PTDSS1: variants seen among roughly 807,000 people sequenced by gnomAD.
The protein encoded by PTDSS1 is phosphatidylserine synthase 1, also known as PSS-1.
A neutral mutation model predicts 70.5 loss-of-function variants in PTDSS1; 45 were observed. That is an observed-to-expected ratio of 0.64 (90% CI 0.50 to 0.82). The LOEUF (loss-of-function observed/expected upper bound fraction) is 0.82. PTDSS1 is among the 40% of genes least tolerant of loss of function. The pLI is 0.00. For synonymous variants in PTDSS1, 188 were observed against 203.8 expected (o/e 0.92, Z 0.66); for missense variants, 417 against 586.1 (o/e 0.71, Z 2.98).
intron 6 of PTDSS1, among the ~76,000 whole-genome samples, chr8:96,300,770 C>G: frequency 6.6e-6 from 1 of 152,140 alleles, no homozygotes; most frequent in East Asian, 1.9e-4. Context: ...AGTATTTAAC[C>G]AGTTCCATTT....
In PTDSS1 at chr8:96,287,063, TTCC is replaced by T. The variant is rs1332615602; in HGVS notation, c.360_362del (p.Phe120del). ...CTTCCTGTTCCTGGTATTCCTACTC[TTCC>T]TGAATTTCGAGCAGGTTAAATCTCT... On this transcript the variant is annotated inframe_deletion, in exon 4 of 13. Transcript: ENST00000517309. 1 of 1,614,014 alleles carries T rather than the reference TTCC, an allele frequency of 6.2e-7. No individual in the cohort carries two copies. Among genetic ancestry groups the T allele is most frequent in the Non-Finnish European group, 8.5e-7 (1 of 1,179,844 alleles).
At chr8:96,296,569 A>G (rs1263129218) in intron 5 of PTDSS1, among the ~76,000 whole-genome samples, 4 of 152,222 alleles carry the variant, frequency 2.6e-5, no homozygotes, top group African/African-American at 9.7e-5. Flanking sequence ...CTATCTCCAA[A>G]TAAGCTCAAA....
intron 5 of PTDSS1, among the ~76,000 whole-genome samples, chr8:96,296,132 CTTTTTTTTTTTTTTT>C (rs34559310): frequency 1.8e-5 from 1 of 54,270 alleles, no homozygotes; most frequent in Admixed American, 2.5e-4. Context: ...TCATGGTGTT[CTTTTTTTTTTTTTTT>C]TTTTTTTTTT....
chr8:96,286,884 GATT>G, intron 3 of PTDSS1, 135 bp from the exon 4 acceptor site: 1 of 1,111,514 alleles, frequency 9.0e-7, no homozygotes, highest in East Asian at 2.4e-5. Flanking sequence ...GGAAATCCCA[GATT>G]ATAAGAGGAG....
rs755007403 is a variant in PTDSS1 at position 96,299,843 on chromosome 8, C to T, written c.750C>T (p.Phe250=). 1 of 1,604,988 alleles carries T rather than the reference C, an allele frequency of 6.2e-7. No homozygotes were observed. The highest frequency in any genetic ancestry group is 1.1e-5 in the South Asian group (1 of 88,466). Residue 250 remains phenylalanine, a splice_region_variant and synonymous_variant, in exon 6 of 13, where the codon TTC becomes TTT. Transcript: ENST00000517309. The part of the protein sequence containing the change: ...LEMRTYHWAS[F]KDIHTTTGKI... ...TGAGGACTTACCACTGGGCAAGCTT[C>T]AAGTGAGTTGCCTTCTTTTTGGATA... is the stretch of plus-strand genomic sequence containing the variant.
chr8:96,296,679 A>C (rs557965376), intron 5 of PTDSS1, among the ~76,000 whole-genome samples: 1 of 152,332 alleles, frequency 6.6e-6, no homozygotes, highest in South Asian at 2.1e-4. Context: ...ATGCCTTCTA[A>C]GTCCTCACAA....
chr8:96,268,772 G>A (rs1563559241), intron 1 of PTDSS1, among the ~76,000 whole-genome samples: 1 of 152,024 alleles, frequency 6.6e-6, no homozygotes, highest in African/African-American at 2.4e-5. Flanking sequence ...ACTTGATTGG[G>A]ATTTTAGATA....
Position 96,262,065 on chromosome 8 carries a change from A to G in PTDSS1, c.25A>G (p.Thr9Ala), listed in dbSNP as rs772997528. The G allele has an allele frequency of 6.2e-7, 1 of 1,613,362 alleles. No homozygotes were observed. Among genetic ancestry groups the G allele is most frequent in the Non-Finnish European group, 8.5e-7 (1 of 1,179,586 alleles). ...CATGGCGTCCTGCGTGGGGAGCCGG[A>G]CCCTAAGCAAGGATGATGTGAACTA... Reference protein sequence around the residue: MASCVGSRTLSKDDVNYKM... With the variant: MASCVGSRALSKDDVNYKM... The change falls in exon 1 of 13, where the codon ACC becomes GCC. Residue 9 changes from threonine (T) to alanine (A), a missense_variant. Transcript: ENST00000517309. This position sits in a 1 kb window ranked among gnomAD's most constrained non-coding sequence, Gnocchi z 4.4.
At chr8:96,306,418 T>G in intron 7 of PTDSS1, 26 bp from the exon 8 acceptor site, 1 of 1,528,588 alleles carries the variant, frequency 6.5e-7, no homozygotes, top group Non-Finnish European at 9.1e-7. Flanking sequence ...AGGTACCAGG[T>G]TGACTAATTT....
intron 1 of PTDSS1, among the ~76,000 whole-genome samples, chr8:96,268,555 C>T (rs994607363): frequency 6.6e-6 from 1 of 152,008 alleles, no homozygotes; most frequent in Non-Finnish European, 1.5e-5. Context: ...GTTACCACCC[C>T]TCTGGTCAAA....
chr8:96,327,851 T>C (rs1469994130), intron 10 of PTDSS1, among the ~76,000 whole-genome samples: 1 of 152,182 alleles, frequency 6.6e-6, no homozygotes. Flanking sequence ...CCGCCCTTTC[T>C]TTAAACGAAG....
rs1434817184 is a variant in PTDSS1 at position 96,332,007 on chromosome 8, C to A, written c.1312+912C>A. ...CTCCCATGTGGAAGACAGAACAAGT[C>A]CCTGCCTCTTAAAAAAAAAAAAAAA... is the stretch of plus-strand genomic sequence containing the variant. On this transcript the variant is annotated intron_variant, in intron 12 of 12. Transcript: ENST00000517309. Among the ~76,000 whole-genome samples, 5 of 98,982 alleles carry A rather than the reference C, an allele frequency of 5.1e-5. No individual in the cohort carries two copies. The East Asian group carries it at 1.4e-3, about 28-fold the overall frequency. The allele number at this position is 98,982 out of a possible 152,430, so 64.9% of individuals were successfully genotyped here. A position where few individuals can be genotyped will look rare whatever the true frequency, so the allele number is the denominator to read the frequency against.
intron 2 of PTDSS1, among the ~76,000 whole-genome samples, chr8:96,282,221 G>A (rs1227519969): frequency 6.6e-6 from 1 of 152,176 alleles, no homozygotes; most frequent in Admixed American, 6.5e-5. Flanking sequence ...CAAGTCAAGA[G>A]CTATCGCCTA....
At chr8:96,287,828 C>T (rs1188740663) in intron 4 of PTDSS1, among the ~76,000 whole-genome samples, 1 of 152,086 alleles carries the variant, frequency 6.6e-6, no homozygotes, top group Non-Finnish European at 1.5e-5. Context: ...TGGGAAAAAC[C>T]AACTATTTTT....
intron 7 of PTDSS1, among the ~76,000 whole-genome samples, chr8:96,304,598 C>A (rs1811097862): frequency 6.6e-6 from 1 of 152,302 alleles, no homozygotes; most frequent in African/African-American, 2.4e-5. Context: ...TTTGGTTAAT[C>A]TGTAGGGTGC....
intron 9 of PTDSS1, among the ~76,000 whole-genome samples, chr8:96,319,503 A>AAC (rs1246610265): frequency 6.6e-6 from 1 of 151,840 alleles, no homozygotes; most frequent in African/African-American, 2.4e-5. Context: ...CTTAAAAAAA[A>AAC]ACAAAAAATT....
At chr8:96,313,847 A>T (rs370906274) in intron 9 of PTDSS1, among the ~76,000 whole-genome samples, 37 of 152,128 alleles carry the variant, frequency 2.4e-4, no homozygotes, top group Non-Finnish European at 3.7e-4. Flanking sequence ...CTCTTCTTGG[A>T]TCTTCTGCAC....
intron 11 of PTDSS1, chr8:96,330,752 A>AT (rs1265747641): frequency 1.1e-5 from 5 of 455,642 alleles, no homozygotes; most frequent in Admixed American, 7.9e-5. Flanking sequence ...AGACGGTAAT[A>AT]TTTTTTTCGG....
At chr8:96,292,860 A>G (rs1014327666) in intron 4 of PTDSS1, among the ~76,000 whole-genome samples, 1 of 152,342 alleles carries the variant, frequency 6.6e-6, no homozygotes, top group African/African-American at 2.4e-5. Flanking sequence ...AAATTGCTGC[A>G]TGGCTGGGGG....
Sources: allele counts gnomAD v4.1 joint callset (sites outside exome capture counted in the v4.1 genomes callset), GRCh38; gene constraint gnomAD v4.1.1; non-coding constraint Gnocchi (gnomAD v3.1); transcripts MANE v1.5; gene names NCBI Gene and HGNC (gene_info 2026-07-23, HGNC 2026-07-21).